RABGEF1: variants seen among roughly 807,000 people sequenced by gnomAD.
RABGEF1 encodes RAB guanine nucleotide exchange factor 1.
A neutral mutation model predicts 57.3 loss-of-function variants in RABGEF1; 26 were observed. The observed-to-expected ratio is 0.45, with a 90% confidence interval of 0.33 to 0.63. RABGEF1 has a LOEUF of 0.63. RABGEF1 is among the 20% of genes least tolerant of loss of function. The pLI, the probability that RABGEF1 is intolerant of heterozygous loss-of-function variation, is 0.02. For synonymous variants in RABGEF1, 185 were observed against 210.7 expected (o/e 0.88, Z 1.06); for missense variants, 464 against 607.6 (o/e 0.76, Z 2.48).
intron 2 of RABGEF1, 84 bp from the exon 3 acceptor site, chr7:66,775,143 C>T (rs1808221667): frequency 7.1e-7 from 1 of 1,416,186 alleles, no homozygotes; most frequent in Non-Finnish European, 9.5e-7. Context: ...TTTAGATCCT[C>T]CTGAATTAAT....
intron 2 of RABGEF1, among the ~76,000 whole-genome samples, chr7:66,720,133 C>G (rs1288988966): frequency 2.0e-5 from 3 of 150,744 alleles, no homozygotes; most frequent in African/African-American, 7.3e-5. Flanking sequence ...TCAATACTTG[C>G]AGAAAAGAAG....
chr7:66,744,442 G>A (rs1799730089), intron 1 of RABGEF1, among the ~76,000 whole-genome samples: 1 of 151,960 alleles, frequency 6.6e-6, no homozygotes, highest in African/African-American at 2.4e-5. Context: ...GCTGAGGCAG[G>A]CGGATCACGA....
At chr7:66,799,491 C>T (rs1443919893) in intron 7 of RABGEF1, 77 bp downstream of exon 7, 3 of 1,190,886 alleles carry the variant, frequency 2.5e-6, no homozygotes, top group Non-Finnish European at 3.6e-6. Context: ...TTCATCTATA[C>T]ATTTGTAAAA....
At chr7:66,726,378 T>A (rs956637477) in intron 2 of RABGEF1, among the ~76,000 whole-genome samples, 8 of 152,040 alleles carry the variant, frequency 5.3e-5, no homozygotes, top group East Asian at 1.9e-4. Context: ...GCATTTTTTT[T>A]AAGAGGGACA....
chr7:66,661,243 C>G, the RABGEF1 span, among the ~76,000 whole-genome samples: 1 of 140,364 alleles, frequency 7.1e-6, no homozygotes, highest in Admixed American at 7.9e-5. Flanking sequence ...AGCTTGCAGT[C>G]AGCCGAGATC....
At chr7:66,728,774 C>T in intron 2 of RABGEF1, among the ~76,000 whole-genome samples, 1 of 77,930 alleles carries the variant, frequency 1.3e-5, no homozygotes, top group African/African-American at 4.8e-5. Flanking sequence ...ATCCTCACCT[C>T]CACCCTCACC....
intron 7 of RABGEF1, among the ~76,000 whole-genome samples, chr7:66,801,599 G>C (rs2129182995): frequency 6.6e-6 from 1 of 152,244 alleles, no homozygotes; most frequent in South Asian, 2.1e-4. Flanking sequence ...TCAGTTTTAA[G>C]TGTTTAGCTC....
intron 1 of RABGEF1, among the ~76,000 whole-genome samples, chr7:66,757,274 CTTG>C (rs993177056): frequency 1.3e-5 from 2 of 151,620 alleles, no homozygotes; most frequent in Admixed American, 1.3e-4. Flanking sequence ...TACTTTCTAA[CTTG>C]TTATTGTTTC....
intron 3 of RABGEF1, among the ~76,000 whole-genome samples, chr7:66,776,166 C>T (rs1330573306): frequency 6.6e-6 from 1 of 152,122 alleles, no homozygotes; most frequent in Non-Finnish European, 1.5e-5. Flanking sequence ...GACTGGGAAC[C>T]AACACTGATG....
chr7:66,673,404 T>C, the RABGEF1 span, among the ~76,000 whole-genome samples: 1 of 152,030 alleles, frequency 6.6e-6, no homozygotes, highest in East Asian at 1.9e-4. Flanking sequence ...CCATCGTGGA[T>C]GTGGGTGTAG....
At chr7:66,785,226 A>G (rs1189764438) in intron 4 of RABGEF1, among the ~76,000 whole-genome samples, 8 of 152,234 alleles carry the variant, frequency 5.3e-5, no homozygotes, top group Admixed American at 1.3e-4. Flanking sequence ...GTAAGGCATC[A>G]CTAGTTTATA....
At chr7:66,707,850 A>C (rs1056462845) in intron 1 of RABGEF1, among the ~76,000 whole-genome samples, 1 of 152,094 alleles carries the variant, frequency 6.6e-6, no homozygotes, top group Non-Finnish European at 1.5e-5. Flanking sequence ...CCCTTTTATC[A>C]TTCTATAATG....
chr7:66,742,150 C>T (rs559276147), intron 1 of RABGEF1, among the ~76,000 whole-genome samples: 161 of 148,902 alleles, frequency 1.1e-3, no homozygotes, highest in African/African-American at 3.9e-3. Context: ...GACTCTATCT[C>T]AAAAAAAAAA....
chr7:66,662,366 C>T, the RABGEF1 span, among the ~76,000 whole-genome samples: 1 of 152,122 alleles, frequency 6.6e-6, no homozygotes, highest in Non-Finnish European at 1.5e-5. Context: ...ACTTGGGAGG[C>T]TGAGGTGAAA....
chr7:66,686,599 CTG>C (rs1272850810), intron 1 of RABGEF1, among the ~76,000 whole-genome samples: 5 of 152,148 alleles, frequency 3.3e-5, no homozygotes, highest in Admixed American at 1.3e-4. Flanking sequence ...ATAATCTAGA[CTG>C]TTGTTATAAT....
intron 2 of RABGEF1, among the ~76,000 whole-genome samples, chr7:66,719,756 A>G (rs1795794111): frequency 6.6e-6 from 1 of 152,208 alleles, no homozygotes; most frequent in Non-Finnish European, 1.5e-5. Context: ...GTTTCTGTAG[A>G]TAAAGTTTTA....
Position 66,772,011 on chromosome 7 carries a change from T to A in RABGEF1, c.112T>A (p.Cys38Ser). 1.3e-6 allele frequency: 2 copies of A among 1,598,268 alleles called. No homozygotes were observed. The highest frequency in any genetic ancestry group is 1.7e-6 in the Non-Finnish European group (2 of 1,172,898). The part of the protein sequence containing the change: ...NPAWQGFCSK[C>S]WREEYHKARQ... ...TGCCTGGCAGGGTTTCTGCTCCAAG[T>A]GCTGGAGGGAAGAGTACCACAAAGC... The change falls in exon 2 of 9, where the codon TGC becomes AGC. Residue 38 changes from cysteine (C) to serine (S), a missense_variant. This residue lies in a region of RABGEF1 where 12 missense variants were observed against 46.0 expected (regional missense o/e 0.26). Transcript: ENST00000284957.
intron 1 of RABGEF1, among the ~76,000 whole-genome samples, chr7:66,699,214 G>A (rs973337975): frequency 6.6e-6 from 1 of 152,150 alleles, no homozygotes; most frequent in African/African-American, 2.4e-5. Flanking sequence ...GAGAGCTAGG[G>A]ACCCATGTCC....
upstream of RABGEF1, among the ~76,000 whole-genome samples, chr7:66,678,564 CAAAA>C (rs58309880): frequency 1.2e-5 from 1 of 86,188 alleles, no homozygotes; most frequent in South Asian, 4.4e-4. Context: ...GAGTCCGTCT[CAAAA>C]AAAAAAAAAA....
Sources: gnomAD v4.1 joint callset for allele counts (sites outside exome capture counted in the v4.1 genomes callset) on GRCh38, gnomAD v4.1.1 for gene constraint, gnomAD v4.1.1 regional missense constraint, MANE v1.5 for transcripts, NCBI Gene and HGNC (gene_info 2026-07-23, HGNC 2026-07-21) for gene names.